TUBGCP6: variants seen among roughly 807,000 people sequenced by gnomAD.
The protein encoded by TUBGCP6 is gamma-tubulin complex component 6.
In TUBGCP6, 161 loss-of-function variants were observed where a neutral mutation model predicts 175.8. The ratio of observed to expected loss-of-function variants is 0.92; its 90% confidence interval spans 0.81 to 1.04. The LOEUF is 1.04. Among genes scored for constraint, TUBGCP6 ranks in the 50% least tolerant of loss-of-function variants. TUBGCP6 has a pLI of 0.00. For synonymous variants in TUBGCP6, 1,173 were observed against 1,030.5 expected, an observed-to-expected ratio of 1.14 and a Z score of -2.65; for missense variants, 2,572 against 2,433.0, an observed-to-expected ratio of 1.06 and a Z score of -1.20.
intron 2 of TUBGCP6, among the ~76,000 whole-genome samples, chr22:50,238,599 G>A (rs1426974210): frequency 1.8e-4 from 26 of 146,220 alleles, no homozygotes; most frequent in African/African-American, 4.1e-4. Context: ...GTGCAGTGGC[G>A]CAATATCCGC....
intron 2 of TUBGCP6, among the ~76,000 whole-genome samples, chr22:50,239,480 A>G (rs1003997883): frequency 6.6e-6 from 1 of 152,178 alleles, no homozygotes; most frequent in African/African-American, 2.4e-5. Flanking sequence ...CCCAGGCGAA[A>G]TGCATATTCT....
In TUBGCP6 at chr22:50,218,473, C is replaced by T. The variant is rs759697195; in HGVS notation, c.4954+15G>A. On this transcript the variant is annotated intron_variant, in intron 22 of 24. Transcript: ENST00000248846. Reference sequence around the variant, plus strand: ...AGCCAGGGGTGCGGGGCGCCGGGCTCCAGCGGGGCCTCACCTGTGCGCTTG... The same window carrying T: ...AGCCAGGGGTGCGGGGCGCCGGGCTTCAGCGGGGCCTCACCTGTGCGCTTG... 9 of 1,613,234 alleles carry T rather than the reference C, an allele frequency of 5.6e-6. No individual in the cohort carries two copies. The highest frequency in any genetic ancestry group is 1.3e-5 in the African/African-American group (1 of 75,036).
chr22:50,236,472 G>T (rs572556851), intron 2 of TUBGCP6, among the ~76,000 whole-genome samples: 15 of 152,278 alleles, frequency 9.9e-5, no homozygotes, highest in African/African-American at 3.6e-4. Context: ...AGGTAAGGTG[G>T]GCTGGTACAG....
chr22:50,221,935 C>T, intron 15 of TUBGCP6, 61 bp from the exon 16 acceptor site: 1 of 1,570,774 alleles, frequency 6.4e-7, no homozygotes, highest in Non-Finnish European at 8.7e-7. Flanking sequence ...CTCGAACTGT[C>T]CCCCAAGTTC....
rs749657448 is a variant in TUBGCP6, at chr22:50,244,177, C to T, written c.283G>A (p.Glu95Lys). The T allele has an allele frequency of 1.8e-5, 29 of 1,613,388 alleles. No homozygotes were observed. Among genetic ancestry groups the T allele is most frequent in the Non-Finnish European group, 2.5e-5 (29 of 1,180,050 alleles). ...GGACAGCAAGGGGCTGCTTCCAGCT[C>T]CTCCACAAGCTCCTCCAAACGGTCG... ...KADRLEELVE[E>K]LEAAPCCPLL... Residue 95 changes from glutamate (E) to lysine (K), a missense_variant, in exon 1 of 25, where the codon GAG becomes AAG. Coordinates refer to ENST00000248846, the MANE Select transcript of TUBGCP6 (RefSeq NM_020461.4).
In TUBGCP6 at chr22:50,241,868, C is replaced by T. The variant is rs149708828; in HGVS notation, c.742-1501G>A. Among the ~76,000 whole-genome samples, 672 of 148,704 alleles carry T rather than the reference C, an allele frequency of 4.5e-3. 3 individuals carry two copies. Among genetic ancestry groups the T allele is most frequent in the African/African-American group, 0.016 (635 of 40,164 alleles). Reference sequence around the variant, plus strand: ...GGTGGTAGTGATCCCCCGGGCCCAGCTGTTTTTTCTTCTATCTCTGTCTTG... The same window carrying T: ...GGTGGTAGTGATCCCCCGGGCCCAGTTGTTTTTTCTTCTATCTCTGTCTTG... On this transcript the variant is annotated intron_variant, in intron 1 of 24. Transcript: ENST00000248846.
chr22:50,218,000 C>T lies in TUBGCP6; in HGVS notation c.5286G>A (p.Pro1762=), dbSNP rs746320008. 45 of 1,611,868 alleles carry T rather than the reference C, an allele frequency of 2.8e-5. No homozygotes were observed. Among genetic ancestry groups the T allele is most frequent in the Middle Eastern group, 1.6e-4 (1 of 6,078 alleles). The stretch of plus-strand genomic sequence containing the variant: ...CAAAGTTGGGGTGCTCTGCACCCCG[C>T]GGGCCCCCAGGGGGCCCCCAGGCCT... ...ISQAWGPPGG[P]RGAEHPNFAL... The change falls in exon 24 of 25, where the codon CCG becomes CCA. Residue 1762 remains proline (P), a synonymous_variant. Coordinates refer to ENST00000248846, the MANE Select transcript of TUBGCP6 (RefSeq NM_020461.4).
chr22:50,226,781 T>C lies in TUBGCP6; in HGVS notation c.1553A>G (p.Tyr518Cys). 1 of 1,593,768 alleles carries C rather than the reference T, an allele frequency of 6.3e-7. No individual in the cohort carries two copies. ...CTTCAGCAGGGACAGCAGTACAGGG[T>C]AGTGCTCGTTGCTGCAGTTGTGCAG... ...EALHNCSNEH[Y>C]PVLLSLLKTS... The change falls in exon 7 of 25, where the codon TAC (tyrosine) becomes TGC (cysteine). Residue 518 changes from tyrosine to cysteine, a missense_variant. Physicochemically the swap from Tyr to Cys is radical, Grantham distance 194. Transcript: ENST00000248846.
chr22:50,222,136 C>T, intron 14 of TUBGCP6, 34 bp from the exon 15 acceptor site: 1 of 1,606,284 alleles, frequency 6.2e-7, no homozygotes. Flanking sequence ...ACTGGCCAAG[C>T]CGGAGTCAAG....
intron 2 of TUBGCP6, among the ~76,000 whole-genome samples, chr22:50,234,337 G>GCATCCACACCCAGGTACATGGCAGCAT (rs535442966): frequency 8.5e-5 from 7 of 82,360 alleles, no homozygotes; most frequent in African/African-American, 3.6e-4. Context: ...GTCCACAGCA[G>GCATCCACACCCAGGTACATGGCAGCAT]CATCCACACC....
chr22:50,243,682 C>T (rs1203196776), intron 1 of TUBGCP6, 37 bp downstream of exon 1: 5 of 1,558,094 alleles, frequency 3.2e-6, no homozygotes, highest in African/African-American at 2.8e-5. Flanking sequence ...TTTCCAAACC[C>T]CGAGAGAGAT....
At position 50,219,175 on chromosome 22, in the gene TUBGCP6, A is replaced by G; in HGVS notation, c.4519T>C (p.Phe1507Leu). The change falls in exon 20 of 25, where the codon TTC (phenylalanine) becomes CTC (leucine). Residue 1507 changes from phenylalanine to leucine, a missense_variant. Transcript: ENST00000248846. ...GCCTCCAGGTGCAGCTCCACGAAGA[A>G]GTAGTCGACAGCGGCCTTGTTCACC... Reference protein sequence around the residue: ...SLVNKAAVDYFFVELHLEAHY... With the variant: ...SLVNKAAVDYLFVELHLEAHY... 1 of 1,612,154 alleles carries G rather than the reference A, an allele frequency of 6.2e-7. No homozygotes were observed. The highest frequency in any genetic ancestry group is 8.5e-7 in the Non-Finnish European group (1 of 1,179,996).
chr22:50,244,490 T>G lies in TUBGCP6; in HGVS notation c.-31A>C. The G allele has an allele frequency of 6.3e-7, 1 of 1,581,402 alleles. No homozygotes were observed. The highest frequency in any genetic ancestry group is 1.1e-5 in the South Asian group (1 of 88,446). ...TTCTCAGCTCCGGGCCCCCGGCGTG[T>G]GGGAAAACACCTCACCCGGGCTTCA... On this transcript the variant is annotated 5_prime_UTR_variant, in exon 1 of 25. Coordinates refer to ENST00000248846, the MANE Select transcript of TUBGCP6 (RefSeq NM_020461.4).
Position 50,220,493 on chromosome 22 carries a change from T to C in TUBGCP6, c.3866A>G (p.Asn1289Ser). ...LGALSPEAEP[N>S]TPRPQQSPPG... is the part of the protein sequence containing the mutation. ...GGGGCTCTGTTGGGGCCTGGGTGTG[T>C]TGGGCTCAGCTTCTGGTGAGAGAGC... Residue 1289 changes from asparagine (N) to serine (S), a missense_variant, in exon 16 of 25, where the codon AAC (asparagine) becomes AGC (serine). Physicochemically the swap from Asn to Ser is conservative, Grantham distance 46. Coordinates refer to ENST00000248846, the MANE Select transcript of TUBGCP6 (RefSeq NM_020461.4). 1.9e-6 allele frequency: 3 copies of C among 1,613,390 alleles called. No individual in the cohort carries two copies. Among genetic ancestry groups the C allele is most frequent in the Non-Finnish European group, 2.5e-6 (3 of 1,179,980 alleles).
In TUBGCP6 at chr22:50,217,770, C is replaced by T. The variant is rs540957245; in HGVS notation, c.5426G>A (p.Arg1809His). The change falls in exon 25 of 25, where the codon CGC (arginine) becomes CAC (histidine). Residue 1809 changes from arginine to histidine, a missense_variant. Coordinates refer to ENST00000248846, the MANE Select transcript of TUBGCP6 (RefSeq NM_020461.4). ...CTGGTAGTAGTTGTTGAAGTTGATG[C>T]GCAGCAGAAAGTCCTCCAGGTGGGG... ...YQPHLEDFLL[R>H]INFNNYYQDA The T allele has an allele frequency of 3.3e-5, 53 of 1,613,994 alleles. 1 individual carries two copies. In the South Asian group the frequency reaches 4.2e-4, roughly 13 times the overall value.
chr22:50,230,391 C>T (rs1200136475), intron 3 of TUBGCP6, among the ~76,000 whole-genome samples: 1 of 151,848 alleles, frequency 6.6e-6, no homozygotes, highest in Non-Finnish European at 1.5e-5. Flanking sequence ...TGGATCACTT[C>T]AGGTCAGGAG....
intron 15 of TUBGCP6, 55 bp downstream of exon 15, chr22:50,221,973 T>C: frequency 1.2e-6 from 2 of 1,606,046 alleles, no homozygotes; most frequent in Non-Finnish European, 1.7e-6. Context: ...CAACACCAGG[T>C]GCCGAGGGCT....
rs760712292 is a variant in TUBGCP6, at chr22:50,218,090, G to A, written c.5196C>T (p.Pro1732=). The change falls in exon 24 of 25, where the codon CCC becomes CCT. Residue 1732 remains proline (P), a synonymous_variant. Transcript: ENST00000248846. The stretch of plus-strand genomic sequence containing the variant: ...AGATGCTGTGGATGACGTTCATGAC[G>A]GGCGCCGCCTTCTCCGTGAGCAGGC... The part of the protein sequence containing the change: ...FRGLLTEKAA[P]VMNVIHSIFS... 2.6e-5 allele frequency: 42 copies of A among 1,612,854 alleles called. No homozygotes were observed. Among genetic ancestry groups the A allele is most frequent in the South Asian group, 1.9e-4 (17 of 91,072 alleles).
Position 50,218,197 on chromosome 22 carries a change from G to A in TUBGCP6, c.5160C>T (p.Ala1720=), listed in dbSNP as rs1226410050. Residue 1720 remains alanine (A), a synonymous_variant, in exon 23 of 25, where the codon GCC becomes GCT. Transcript: ENST00000248846. ...QRAHAEYLHK[A]VFRGLLTEKA... is the part of the protein sequence containing the mutation. ...CGCTGCCCAGGCCTCACCTGAAGAC[G>A]GCCTTGTGCAGGTACTCTGCGTGCG... 8.7e-6 allele frequency: 14 copies of A among 1,611,594 alleles called. No homozygotes were observed. Among genetic ancestry groups the A allele is most frequent in the East Asian group, 4.5e-5 (2 of 44,868 alleles).
Sources: gnomAD v4.1 joint callset for allele counts (sites outside exome capture counted in the v4.1 genomes callset) on GRCh38, gnomAD v4.1.1 for gene constraint, MANE v1.5 for transcripts, NCBI Gene and HGNC (gene_info 2026-07-23, HGNC 2026-07-21) for gene names.